TEX9: variants seen among roughly 807,000 people sequenced by gnomAD.
TEX9 encodes testis expressed 9, also known as testis-expressed protein 9.
TEX9 carries 74 observed loss-of-function variants against 59.6 expected under a neutral mutation model. The observed-to-expected ratio is 1.24, with a 90% CI of 1.03 to 1.51. The LOEUF (loss-of-function observed/expected upper bound fraction) is 1.51. Ranked by LOEUF, TEX9 falls within the 40% of genes most tolerant of loss-of-function variation. The pLI, the probability that TEX9 is intolerant of heterozygous loss-of-function variation, is 0.00. For synonymous variants in TEX9, 186 were observed against 152.2 expected (o/e 1.22, Z -1.64); for missense variants, 522 against 447.8 (o/e 1.17, Z -1.49).
At chr15:56,384,174 A>G (rs1003920081) in intron 4 of TEX9, 143 bp downstream of exon 4, 1 of 544,750 alleles carries the variant, frequency 1.8e-6, no homozygotes, top group Non-Finnish European at 3.2e-6. Flanking sequence ...AATCAGACAC[A>G]GTGCAAGCCC....
chr15:56,396,162 G>A (rs2048459536), intron 9 of TEX9: 1 of 152,104 alleles, frequency 6.6e-6, no homozygotes, highest in Non-Finnish European at 1.5e-5. Context: ...CATATCCCGA[G>A]ATTTAGTAAG....
chr15:56,265,149 A>G (rs887322792), intron 1 of TEX9, among the ~76,000 whole-genome samples: 3 of 146,278 alleles, frequency 2.1e-5, no homozygotes, highest in African/African-American at 5.0e-5. Flanking sequence ...GAACTTTCTG[A>G]TTTCCTTTTC....
intron 1 of TEX9, among the ~76,000 whole-genome samples, chr15:56,278,373 T>A (rs1242595028): frequency 2.0e-5 from 3 of 152,208 alleles, no homozygotes; most frequent in African/African-American, 7.2e-5. Flanking sequence ...AAAGGCTGAT[T>A]CCCTCAATCC....
chr15:56,376,440 G>C (rs1462301245), intron 3 of TEX9, among the ~76,000 whole-genome samples: 2 of 151,954 alleles, frequency 1.3e-5, no homozygotes, highest in African/African-American at 4.8e-5. Context: ...CTGTCTTTTG[G>C]ATATAAGCCA....
chr15:56,440,926 A>G (rs759920839), intron 12 of TEX9, among the ~76,000 whole-genome samples: 7 of 152,126 alleles, frequency 4.6e-5, no homozygotes, highest in African/African-American at 7.2e-5. Flanking sequence ...CTTTTAGACT[A>G]TTGTGAATAA....
chr15:56,339,746 G>A (rs190924703), intron 1 of TEX9, among the ~76,000 whole-genome samples: 56 of 152,160 alleles, frequency 3.7e-4, no homozygotes, highest in Admixed American at 8.5e-4. Flanking sequence ...CCATTATTAG[G>A]TGATTAGGTC....
chr15:56,408,371 T>C (rs1310261032), intron 9 of TEX9: 2 of 152,202 alleles, frequency 1.3e-5, no homozygotes, highest in African/African-American at 4.8e-5. Context: ...CACTATTAAT[T>C]TGGCTTCTGG....
intron 1 of TEX9, among the ~76,000 whole-genome samples, chr15:56,324,709 C>G (rs1423978918): frequency 6.6e-6 from 1 of 152,116 alleles, no homozygotes; most frequent in East Asian, 1.9e-4. Flanking sequence ...CTTTGTATAG[C>G]TACTTAGGAT....
chr15:56,295,782 G>A (rs750284526), intron 1 of TEX9, among the ~76,000 whole-genome samples: 4 of 152,092 alleles, frequency 2.6e-5, no homozygotes, highest in Admixed American at 6.6e-5. Context: ...CCATTTGACC[G>A]GATTTTTCCC....
At chr15:56,421,613 C>T (rs1284230762) in intron 10 of TEX9, 1 of 151,696 alleles carries the variant, frequency 6.6e-6, no homozygotes, top group Non-Finnish European at 1.5e-5. Flanking sequence ...ATCTAGTTGA[C>T]TTTGCTTTTT....
At chr15:56,421,764 A>G (rs549270401) in intron 10 of TEX9, 14 of 151,414 alleles carry the variant, frequency 9.2e-5, no homozygotes, top group Admixed American at 6.6e-4. Flanking sequence ...ATGATTTCCA[A>G]TTTCATCCAT....
intron 1 of TEX9, among the ~76,000 whole-genome samples, chr15:56,256,906 T>C (rs775507091): frequency 1.3e-5 from 2 of 151,988 alleles, no homozygotes; most frequent in African/African-American, 2.4e-5. Flanking sequence ...AGTAGTTCAT[T>C]ACTTATTTTT....
intron 12 of TEX9, chr15:56,428,788 A>G: frequency 2.8e-6 from 1 of 355,656 alleles, no homozygotes; most frequent in Non-Finnish European, 5.0e-6. Flanking sequence ...TCGTAAACAC[A>G]GACAGAAGGC....
chr15:56,431,023 TGG>T (rs1248930844), intron 12 of TEX9, among the ~76,000 whole-genome samples: 1 of 152,024 alleles, frequency 6.6e-6, no homozygotes, highest in African/African-American at 2.4e-5. Flanking sequence ...TAGCTGGGTG[TGG>T]TGGCAAACGC....
At chr15:56,449,025 G>C (rs1487267224), downstream of TEX9, among the ~76,000 whole-genome samples, 1 of 152,112 alleles carries the variant, frequency 6.6e-6, no homozygotes, top group Non-Finnish European at 1.5e-5. Flanking sequence ...AAAGTGCTGG[G>C]ATTAGAGGCA....
chr15:56,428,259 G>A (rs964297041), intron 11 of TEX9, 108 bp from the exon 12 acceptor site: 5 of 760,328 alleles, frequency 6.6e-6, no homozygotes, highest in Non-Finnish European at 1.1e-5. Context: ...TCCTACAACA[G>A]AACTTATATT....
chr15:56,274,731 T>G (rs1309193039), intron 1 of TEX9: 1 of 152,140 alleles, frequency 6.6e-6, no homozygotes, highest in Non-Finnish European at 1.5e-5. Context: ...CATGTTTTTT[T>G]TTTTCTCCTA....
chr15:56,301,334 C>G (rs902830323), intron 1 of TEX9, among the ~76,000 whole-genome samples: 3 of 151,942 alleles, frequency 2.0e-5, no homozygotes, highest in Admixed American at 6.6e-5. Flanking sequence ...CCTACAAGAT[C>G]TAGAAAATAG....
chr15:56,428,433 G>A, exon 12 of TEX9: 1 of 1,610,802 alleles, frequency 6.2e-7, no homozygotes, highest in Non-Finnish European at 8.5e-7. Flanking sequence ...ACTTGAATGG[G>A]GAAATTCATA....
Sources: gnomAD v4.1 joint callset for allele counts (sites outside exome capture counted in the v4.1 genomes callset) on GRCh38, gnomAD v4.1.1 for gene constraint, MANE v1.5 for transcripts, NCBI Gene and HGNC (gene_info 2026-07-23, HGNC 2026-07-21) for gene names.